PPP3CA: variants seen among roughly 807,000 people sequenced by gnomAD.
PPP3CA encodes protein phosphatase 3 catalytic subunit alpha.
In PPP3CA, 14 loss-of-function variants were observed where a neutral mutation model predicts 66.5. The observed-to-expected ratio is 0.21, with a 90% CI of 0.14 to 0.33. The LOEUF (loss-of-function observed/expected upper bound fraction) is 0.33. PPP3CA is among the 10% of genes least tolerant of loss of function. The pLI, the probability that PPP3CA is intolerant of heterozygous loss-of-function variation, is 1.00. For synonymous variants in PPP3CA, 232 were observed against 226.2 expected, an observed-to-expected ratio of 1.03 and a Z score of -0.23; for missense variants, 317 against 639.5, an observed-to-expected ratio of 0.50 and a Z score of 5.44.
At chr4:101,247,927 T>C (rs1005565501) in intron 1 of PPP3CA, among the ~76,000 whole-genome samples, 4 of 152,144 alleles carry the variant, frequency 2.6e-5, no homozygotes, top group African/African-American at 7.2e-5. Flanking sequence ...TAAAACTCTA[T>C]ATATGTGTGT....
At chr4:101,208,168 AAT>A (rs1343042446) in intron 1 of PPP3CA, among the ~76,000 whole-genome samples, 2 of 152,224 alleles carry the variant, frequency 1.3e-5, no homozygotes, top group African/African-American at 4.8e-5. Context: ...ATCAGGATTA[AAT>A]GTAGAACTAC....
chr4:101,328,612 C>G (rs1264846597), intron 1 of PPP3CA, among the ~76,000 whole-genome samples: 1 of 152,190 alleles, frequency 6.6e-6, no homozygotes, highest in Admixed American at 6.5e-5. Context: ...CCTCACTGCA[C>G]TTTGCAGGTA....
intron 1 of PPP3CA, among the ~76,000 whole-genome samples, chr4:101,254,565 G>A (rs1051775291): frequency 2.0e-5 from 3 of 151,790 alleles, no homozygotes; most frequent in African/African-American, 7.3e-5. Flanking sequence ...TAAATAATTT[G>A]TAAATAAAAC....
chr4:101,077,122 A>G (rs1270509239), intron 8 of PPP3CA, among the ~76,000 whole-genome samples: 1 of 152,232 alleles, frequency 6.6e-6, no homozygotes, highest in Admixed American at 6.5e-5. Flanking sequence ...GAGATGGAAC[A>G]TTTAGTCCTC....
chr4:101,308,993 G>A (rs1301354258), intron 1 of PPP3CA, among the ~76,000 whole-genome samples: 1 of 152,136 alleles, frequency 6.6e-6, no homozygotes, highest in Non-Finnish European at 1.5e-5. Context: ...CTGGCATGGT[G>A]GTGTGCGTCT....
chr4:101,278,136 A>AATAAAT (rs1553937787), intron 1 of PPP3CA, among the ~76,000 whole-genome samples: 3,313 of 145,902 alleles, frequency 0.023, 172 homozygotes, highest in African/African-American at 0.086. Context: ...AAAAAAAAAA[A>AATAAAT]AAATAAAAAA....
At chr4:101,324,693 CA>C (rs11316297) in intron 1 of PPP3CA, among the ~76,000 whole-genome samples, 17,472 of 139,654 alleles carry the variant, frequency 0.13, 3,311 homozygotes, top group African/African-American at 0.41. Flanking sequence ...AATGGAACAA[CA>C]AAAAAAAAAA....
chr4:101,027,402 A>G (rs995245916), intron 13 of PPP3CA, among the ~76,000 whole-genome samples: 2 of 152,194 alleles, frequency 1.3e-5, no homozygotes, highest in Admixed American at 6.5e-5. Context: ...AAGATGAGAA[A>G]TAGTTTTTCC....
intron 2 of PPP3CA, among the ~76,000 whole-genome samples, chr4:101,146,294 C>T (rs1362083504): frequency 1.3e-5 from 2 of 152,164 alleles, no homozygotes; most frequent in Non-Finnish European, 2.9e-5. Flanking sequence ...TGTCAGGCAA[C>T]AGGGTAATGG....
chr4:101,258,928 A>T (rs1726926140), intron 1 of PPP3CA, among the ~76,000 whole-genome samples: 1 of 152,146 alleles, frequency 6.6e-6, no homozygotes, highest in Non-Finnish European at 1.5e-5. Flanking sequence ...GGAGCATCTA[A>T]CATTTGCCCA....
At chr4:101,286,278 C>T (rs1346917643) in intron 1 of PPP3CA, among the ~76,000 whole-genome samples, 1 of 152,178 alleles carries the variant, frequency 6.6e-6, no homozygotes, top group Non-Finnish European at 1.5e-5. Flanking sequence ...TGCTACAGGT[C>T]GGAGGCCCAG....
intron 2 of PPP3CA, among the ~76,000 whole-genome samples, chr4:101,166,633 A>G (rs1723701683): frequency 6.6e-6 from 1 of 152,170 alleles, no homozygotes; most frequent in Non-Finnish European, 1.5e-5. Context: ...TTATTTCTGG[A>G]GAGAACATAT....
intron 1 of PPP3CA, among the ~76,000 whole-genome samples, chr4:101,314,863 C>T (rs866014028): frequency 6.6e-6 from 1 of 152,120 alleles, no homozygotes; most frequent in South Asian, 2.1e-4. Flanking sequence ...AGGGTAACTG[C>T]TTCTTAATTT....
chr4:101,258,478 T>A (rs1480122428), intron 1 of PPP3CA, among the ~76,000 whole-genome samples: 1 of 152,138 alleles, frequency 6.6e-6, no homozygotes, highest in Non-Finnish European at 1.5e-5. Flanking sequence ...TTTTAGACAC[T>A]AACTTTCCAA....
At chr4:101,214,279 A>C (rs1435515117) in intron 1 of PPP3CA, among the ~76,000 whole-genome samples, 1 of 146,048 alleles carries the variant, frequency 6.8e-6, no homozygotes. Context: ...TAATCCTACT[A>C]TGCCTGAGTG....
intron 2 of PPP3CA, among the ~76,000 whole-genome samples, chr4:101,109,460 G>C (rs918119385): frequency 6.6e-6 from 1 of 151,646 alleles, no homozygotes; most frequent in Non-Finnish European, 1.5e-5. Flanking sequence ...TCATTTTGCA[G>C]GTAAAAGACG....
rs192812143 is a variant in PPP3CA at position 101,247,254 on chromosome 4, C to T, written c.59-51138G>A. On this transcript the variant is annotated intron_variant, in intron 1 of 13. Transcript: ENST00000394854. Reference sequence around the variant, plus strand: ...TCAGCTCACTGGAACCTTCGCCTCCCGAGTTCAAGCAATTCTTCTGCCTCA... The same window carrying T: ...TCAGCTCACTGGAACCTTCGCCTCCTGAGTTCAAGCAATTCTTCTGCCTCA... 8.8e-4 allele frequency among the ~76,000 whole-genome samples: 134 copies of T among 152,064 alleles called. 1 individual carries two copies. Among genetic ancestry groups the T allele is most frequent in the Non-Finnish European group, 1.6e-3 (111 of 67,964 alleles).
In PPP3CA at chr4:101,263,099, A is replaced by G. The variant is rs535559352; in HGVS notation, c.59-66983T>C. On this transcript the variant is annotated intron_variant, in intron 1 of 13. Transcript: ENST00000394854. The stretch of plus-strand genomic sequence containing the variant: ...ATTAAGCTGAACACTTGAATCCCCT[A>G]TCCTTGAGAGATATTTTTCATTTTC... Among the ~76,000 whole-genome samples the G allele has an allele frequency of 4.6e-5, 7 of 152,318 alleles. No homozygotes were observed. The East Asian group carries it at 7.7e-4, about 17-fold the overall frequency.
intron 1 of PPP3CA, among the ~76,000 whole-genome samples, chr4:101,219,326 T>A (rs1033363259): frequency 2.6e-5 from 4 of 151,994 alleles, no homozygotes; most frequent in African/African-American, 7.2e-5. Flanking sequence ...ATAATGAACA[T>A]TGCAGATACA....
Sources: allele counts gnomAD v4.1 joint callset (sites outside exome capture counted in the v4.1 genomes callset), GRCh38; gene constraint gnomAD v4.1.1; transcripts MANE v1.5; gene names NCBI Gene and HGNC (gene_info 2026-07-23, HGNC 2026-07-21).